Variants in BMPR1A observed in about 807,000 individuals in gnomAD.
BMPR1A encodes bone morphogenetic protein receptor type 1A.
A neutral mutation model predicts 66.0 loss-of-function variants in BMPR1A; 7 were observed. The ratio of observed to expected loss-of-function variants is 0.11; its 90% CI spans 0.06 to 0.20. The LOEUF is 0.20. Among genes scored for constraint, BMPR1A ranks in the 10% least tolerant of loss-of-function variants. BMPR1A has a pLI of 1.00. For synonymous variants in BMPR1A, 200 were observed against 229.7 expected (o/e 0.87, Z 1.17); for missense variants, 408 against 669.1 (o/e 0.61, Z 4.31).
At chr10:86,814,627 T>C (rs1395526920) in intron 1 of BMPR1A, among the ~76,000 whole-genome samples, 1 of 152,154 alleles carries the variant, frequency 6.6e-6, no homozygotes, top group African/African-American at 2.4e-5. Context: ...TTTTTCATGC[T>C]TTATATAATT....
At chr10:86,892,672 G>A (rs1034481796) in intron 5 of BMPR1A, among the ~76,000 whole-genome samples, 1 of 151,906 alleles carries the variant, frequency 6.6e-6, no homozygotes, top group Non-Finnish European at 1.5e-5. Context: ...CAAGCAGTCT[G>A]CCCGCATCGG....
downstream of BMPR1A, chr10:86,931,298 C>CACACACACATATATATATATATATATAT: frequency 6.6e-5 from 6 of 90,904 alleles, no homozygotes; most frequent in South Asian, 3.2e-4. Flanking sequence ...CACACACACA[C>CACACACACATATATATATATATATATAT]ATATATATAT....
At chr10:86,770,585 C>T (rs1053576056) in intron 1 of BMPR1A, among the ~76,000 whole-genome samples, 4 of 152,140 alleles carry the variant, frequency 2.6e-5, no homozygotes, top group African/African-American at 9.7e-5. Context: ...AAAGTGGCAA[C>T]TGAGATAGCT....
At chr10:86,793,345 G>A (rs1047655270) in intron 1 of BMPR1A, among the ~76,000 whole-genome samples, 1 of 150,652 alleles carries the variant, frequency 6.6e-6, no homozygotes, top group African/African-American at 2.4e-5. Context: ...GATTTCTGAT[G>A]ACACGCTTGC....
chr10:86,831,397 G>A (rs1447341883), intron 1 of BMPR1A, among the ~76,000 whole-genome samples: 7 of 152,104 alleles, frequency 4.6e-5, no homozygotes, highest in African/African-American at 1.7e-4. Flanking sequence ...TAATGTGACT[G>A]CTTAATTGAT....
intron 5 of BMPR1A, among the ~76,000 whole-genome samples, chr10:86,893,539 C>T (rs929458734): frequency 1.3e-5 from 2 of 152,134 alleles, no homozygotes; most frequent in Non-Finnish European, 2.9e-5. Context: ...CCTGTAATCC[C>T]AGCACTTTGG....
At chr10:86,840,180 A>C (rs1159796071) in intron 2 of BMPR1A, among the ~76,000 whole-genome samples, 1 of 152,140 alleles carries the variant, frequency 6.6e-6, no homozygotes, top group African/African-American at 2.4e-5. Context: ...AAATAGATAG[A>C]ATGTATGGTT....
intron 3 of BMPR1A, among the ~76,000 whole-genome samples, chr10:86,878,401 C>T (rs1216825470): frequency 3.3e-5 from 5 of 152,200 alleles, no homozygotes; most frequent in Admixed American, 3.3e-4. Context: ...TTTTTTAAGA[C>T]TTGGTCACAA....
chr10:86,792,063 C>CTTTTT (rs35251758), intron 1 of BMPR1A, among the ~76,000 whole-genome samples: 2 of 83,632 alleles, frequency 2.4e-5, no homozygotes, highest in South Asian at 5.2e-4. Context: ...ACTGTCAGAT[C>CTTTTT]TTTTTTTTTT....
chr10:86,930,043 C>T (rs1843792942), downstream of BMPR1A: 1 of 152,284 alleles, frequency 6.6e-6, no homozygotes, highest in Non-Finnish European at 1.5e-5. Context: ...AGCATACAGT[C>T]TTGACTGGGT....
chr10:86,786,959 T>A (rs187113509), intron 1 of BMPR1A, among the ~76,000 whole-genome samples: 61 of 152,362 alleles, frequency 4.0e-4, no homozygotes, highest in African/African-American at 1.3e-3. Context: ...TATTTATTTT[T>A]AATCAGGCGG....
intron 1 of BMPR1A, among the ~76,000 whole-genome samples, chr10:86,824,112 T>TGTGTGTGTGTGTGTGTTTGTGTG (rs1564695887): frequency 6.6e-6 from 1 of 151,738 alleles, no homozygotes; most frequent in Non-Finnish European, 1.5e-5. Context: ...TGTGTGTGTG[T>TGTGTGTGTGTGTGTGTTTGTGTG]TTCTTTCAGT....
chr10:86,811,274 A>G (rs1841965639), intron 1 of BMPR1A, among the ~76,000 whole-genome samples: 1 of 152,122 alleles, frequency 6.6e-6, no homozygotes, highest in South Asian at 2.1e-4. Context: ...CCTGAATTCA[A>G]GTGATCCACC....
intron 1 of BMPR1A, among the ~76,000 whole-genome samples, chr10:86,815,669 A>G (rs1259102258): frequency 6.6e-6 from 1 of 152,190 alleles, no homozygotes; most frequent in Admixed American, 6.5e-5. Flanking sequence ...AAATCTGTAT[A>G]TGAAATAGCG....
intron 1 of BMPR1A, among the ~76,000 whole-genome samples, chr10:86,769,064 G>C (rs1208090272): frequency 6.6e-6 from 1 of 152,172 alleles, no homozygotes; most frequent in African/African-American, 2.4e-5. Flanking sequence ...ATCTGATCTT[G>C]TTGCTTTCTA....
intron 1 of BMPR1A, among the ~76,000 whole-genome samples, chr10:86,800,618 C>G (rs1841799248): frequency 6.6e-6 from 1 of 152,176 alleles, no homozygotes; most frequent in Non-Finnish European, 1.5e-5. Context: ...GTCTTGAACT[C>G]CTGAGCTCAA....
intron 1 of BMPR1A, among the ~76,000 whole-genome samples, chr10:86,822,546 C>A (rs1231991723): frequency 6.6e-6 from 1 of 152,082 alleles, no homozygotes; most frequent in Non-Finnish European, 1.5e-5. Flanking sequence ...GGTTTAAATC[C>A]CAAATCTACC....
chr10:86,865,497 G>C (rs927575760), intron 2 of BMPR1A, among the ~76,000 whole-genome samples: 1 of 151,576 alleles, frequency 6.6e-6, no homozygotes, highest in Non-Finnish European at 1.5e-5. Flanking sequence ...ATCTCCCTTC[G>C]CTGACTCTCT....
At chr10:86,759,970 C>T (rs930578027) in intron 1 of BMPR1A, among the ~76,000 whole-genome samples, 9 of 141,982 alleles carry the variant, frequency 6.3e-5, no homozygotes, top group South Asian at 4.5e-4. Context: ...CCCACCACCC[C>T]GCGACTCCAC....
Sources: gnomAD v4.1 joint callset for allele counts (sites outside exome capture counted in the v4.1 genomes callset) on GRCh38, gnomAD v4.1.1 for gene constraint, MANE v1.5 for transcripts, NCBI Gene and HGNC (gene_info 2026-07-23, HGNC 2026-07-21) for gene names.